Variants in SEC14L1 observed in about 807,000 individuals in gnomAD.
SEC14L1 encodes the protein SEC14 like lipid binding 1, also known as SEC14-like protein 1.
A neutral mutation model predicts 85.3 loss-of-function variants in SEC14L1; 48 were observed. The observed-to-expected ratio is 0.56, with a 90% CI of 0.45 to 0.72. The LOEUF is 0.72. Ranked by LOEUF, SEC14L1 falls within the 30% of genes least tolerant of loss-of-function variation. The pLI is 0.00. For synonymous variants in SEC14L1, 391 were observed against 355.5 expected (o/e 1.10, Z -1.12); for missense variants, 682 against 921.4 (o/e 0.74, Z 3.36).
chr17:77,197,420 T>G (rs1197134746), intron 8 of SEC14L1, among the ~76,000 whole-genome samples: 1 of 152,348 alleles, frequency 6.6e-6, no homozygotes, highest in East Asian at 1.9e-4. Flanking sequence ...TGCCACATCA[T>G]GAAAACCCAA....
intron 3 of SEC14L1, among the ~76,000 whole-genome samples, chr17:77,131,593 G>A (rs1598268337): frequency 1.3e-5 from 2 of 152,282 alleles, no homozygotes; most frequent in East Asian, 3.9e-4. Context: ...CTATACCCCA[G>A]TGCTCACTGT....
At chr17:77,177,230 A>G (rs1974799015) in intron 3 of SEC14L1, among the ~76,000 whole-genome samples, 1 of 151,886 alleles carries the variant, frequency 6.6e-6, no homozygotes, top group Non-Finnish European at 1.5e-5. Flanking sequence ...TGAGATGATT[A>G]TGTTCAGGAC....
At chr17:77,089,135 GT>G (rs2143252099) in intron 1 of SEC14L1, 1 of 296,388 alleles carries the variant, frequency 3.4e-6, no homozygotes, top group Non-Finnish European at 6.2e-6. Flanking sequence ...AGCACATTAT[GT>G]TACTTTTTCC....
chr17:77,105,839 T>C (rs1346079579), intron 3 of SEC14L1, among the ~76,000 whole-genome samples: 1 of 152,124 alleles, frequency 6.6e-6, no homozygotes, highest in African/African-American at 2.4e-5. Context: ...AACAGCTGTT[T>C]AGGTGATTGC....
At chr17:77,159,867 T>G (rs1240815757) in intron 3 of SEC14L1, among the ~76,000 whole-genome samples, 2 of 144,778 alleles carry the variant, frequency 1.4e-5, no homozygotes, top group Admixed American at 1.4e-4. Context: ...AGCTGAGTGG[T>G]GACCCACTTA....
intron 3 of SEC14L1, among the ~76,000 whole-genome samples, chr17:77,119,372 C>T (rs548817731): frequency 1.3e-4 from 20 of 151,202 alleles, no homozygotes; most frequent in African/African-American, 3.4e-4. Context: ...GGATTACGGG[C>T]GAATTCCAGA....
At chr17:77,162,493 A>G (rs976068736) in intron 3 of SEC14L1, among the ~76,000 whole-genome samples, 1 of 152,142 alleles carries the variant, frequency 6.6e-6, no homozygotes, top group African/African-American at 2.4e-5. Flanking sequence ...AAGTAACATG[A>G]TGTATATTTT....
intron 3 of SEC14L1, among the ~76,000 whole-genome samples, chr17:77,180,815 T>C (rs1306867040): frequency 6.6e-6 from 1 of 152,220 alleles, no homozygotes; most frequent in African/African-American, 2.4e-5. Context: ...CTCAAGTTTT[T>C]ATGAATTTTA....
intron 3 of SEC14L1, among the ~76,000 whole-genome samples, chr17:77,128,748 C>T (rs1183373246): frequency 6.6e-6 from 1 of 152,100 alleles, no homozygotes; most frequent in Non-Finnish European, 1.5e-5. Flanking sequence ...TTCACCGCGC[C>T]TGGCCACGCT....
chr17:77,113,795 C>G (rs1316433312), intron 3 of SEC14L1, among the ~76,000 whole-genome samples: 1 of 152,164 alleles, frequency 6.6e-6, no homozygotes, highest in African/African-American at 2.4e-5. Flanking sequence ...GTAAGTTCAT[C>G]TCCCTTCTAA....
At chr17:77,097,418 G>C (rs1467978597) in intron 3 of SEC14L1, among the ~76,000 whole-genome samples, 1 of 152,168 alleles carries the variant, frequency 6.6e-6, no homozygotes, top group Non-Finnish European at 1.5e-5. Context: ...ACAAAAATTA[G>C]CCGGGCGTAG....
intron 3 of SEC14L1, among the ~76,000 whole-genome samples, chr17:77,185,560 C>CTAG (rs1322675765): frequency 6.6e-6 from 1 of 152,212 alleles, no homozygotes; most frequent in Non-Finnish European, 1.5e-5. Flanking sequence ...TGGCCTAGTT[C>CTAG]TAGCTAAGGC....
rs757609461 is a variant in SEC14L1, at chr17:77,206,353, C to T, written c.1294C>T (p.Leu432Phe). ...CAACTACCCTGAGACACTGGGCCGC[C>T]TTCTCATCCTGCGGGCGCCCAGGGT... The part of the protein sequence containing the change: ...EANYPETLGR[L>F]LILRAPRVFP... The change falls in exon 12 of 17, where the codon CTT (leucine) becomes TTT (phenylalanine). Residue 432 changes from leucine to phenylalanine, a missense_variant. Coordinates refer to ENST00000436233, the MANE Select transcript of SEC14L1 (RefSeq NM_001143998.2). This position sits in a 1 kb window ranked among gnomAD's most constrained non-coding sequence, Gnocchi z 4.3. The T allele has an allele frequency of 1.2e-6, 2 of 1,614,120 alleles. No homozygotes were observed. The highest frequency in any genetic ancestry group is 1.7e-6 in the Non-Finnish European group (2 of 1,180,020).
intron 3 of SEC14L1, among the ~76,000 whole-genome samples, chr17:77,185,572 A>G (rs916157969): frequency 6.6e-6 from 1 of 152,230 alleles, no homozygotes; most frequent in Non-Finnish European, 1.5e-5. Context: ...AGCTAAGGCT[A>G]CCTCTTAGTA....
intron 8 of SEC14L1, among the ~76,000 whole-genome samples, chr17:77,200,271 G>A (rs1485606208): frequency 6.6e-6 from 1 of 152,070 alleles, no homozygotes; most frequent in East Asian, 1.9e-4. Context: ...CCAGGTTCAA[G>A]TGATCCGCCT....
Position 77,215,516 on chromosome 17 carries a change from G to T in SEC14L1, c.*1493G>T. On this transcript the variant is annotated 3_prime_UTR_variant, in exon 17 of 17. Coordinates refer to ENST00000436233, the MANE Select transcript of SEC14L1 (RefSeq NM_001143998.2). ...GGAGAGCTGTGTGGAGGCCATGTGT[G>T]CCCCGTGCAGGGATCAGGAGGGCGG... The T allele has an allele frequency of 1.0e-6, 1 of 986,086 alleles. No homozygotes were observed. The highest frequency in any genetic ancestry group is 1.2e-6 in the Non-Finnish European group (1 of 830,298). 61.1% of individuals were successfully genotyped at this position (986,086 alleles called of 1,614,324 possible). A position where few individuals can be genotyped will look rare whatever the true frequency, so the allele number is the denominator to read the frequency against.
chr17:77,206,337 T>G lies in SEC14L1; in HGVS notation c.1278T>G (p.Pro426=), dbSNP rs1264486093. 5.0e-6 allele frequency: 8 copies of G among 1,614,118 alleles called. No individual in the cohort carries two copies. The highest frequency in any genetic ancestry group is 6.8e-6 in the Non-Finnish European group (8 of 1,180,022). ...TCGAGGTGGTGGAGGCCAACTACCC[T>G]GAGACACTGGGCCGCCTTCTCATCC... ...RIIEVVEANY[P]ETLGRLLILR... The change falls in exon 12 of 17, where the codon CCT becomes CCG. Residue 426 remains proline, a synonymous_variant. Transcript: ENST00000436233. The surrounding 1 kb of genome is among the most constrained non-coding windows in gnomAD (Gnocchi z 4.3).
At chr17:77,202,936 T>TAAAAAAAA (rs11349959) in intron 9 of SEC14L1, among the ~76,000 whole-genome samples, 16 of 133,946 alleles carry the variant, frequency 1.2e-4, no homozygotes, top group South Asian at 2.3e-4. Context: ...AATAAAAAAA[T>TAAAAAAAA]AAAAAAAAAA....
intron 3 of SEC14L1, among the ~76,000 whole-genome samples, chr17:77,154,946 G>A (rs79203416): frequency 0.015 from 2,255 of 152,190 alleles, 23 homozygotes; most frequent in South Asian, 0.046. Context: ...ATTAAGGTGC[G>A]GATGGATTGT....
Sources: allele counts gnomAD v4.1 joint callset (sites outside exome capture counted in the v4.1 genomes callset), GRCh38; gene constraint gnomAD v4.1.1; non-coding constraint Gnocchi (gnomAD v3.1); transcripts MANE v1.5; gene names NCBI Gene and HGNC (gene_info 2026-07-23, HGNC 2026-07-21).